The following DENND5B variants were observed in gnomAD, a reference collection of about 807,000 sequenced individuals.
DENND5B encodes the protein DENN domain containing 5B.
DENND5B carries 34 observed loss-of-function variants against 140.6 expected under a neutral mutation model. The observed-to-expected ratio is 0.24, with a 90% CI of 0.18 to 0.32. DENND5B has a LOEUF of 0.32. Among genes scored for constraint, DENND5B ranks in the 10% least tolerant of loss-of-function variants. The pLI, the probability that DENND5B is intolerant of heterozygous loss-of-function variation, is 1.00. For missense variants in DENND5B, 1,142 were observed against 1,560.2 expected, an observed-to-expected ratio of 0.73 and a Z score of 4.52; for synonymous variants, 551 against 562.1, an observed-to-expected ratio of 0.98 and a Z score of 0.28.
In DENND5B at chr12:31,452,053, A is replaced by G; in HGVS notation, c.1516T>C (p.Phe506Leu). Residue 506 changes from phenylalanine to leucine, a missense_variant, in exon 5 of 21, where the codon TTT becomes CTT. Phe to Leu is a conservative substitution (Grantham distance 22). Coordinates refer to ENST00000389082, the MANE Select transcript of DENND5B (RefSeq NM_144973.4). ...AACATCTGTGTAAAACGGTTAGCAA[A>G]GACCTCTCGGAGCTGTACATTGAGC... Reference protein sequence around the residue: ...YQLNVQLREVFANRFTQMFAD... With the variant: ...YQLNVQLREVLANRFTQMFAD... The G allele has an allele frequency of 6.2e-7, 1 of 1,613,966 alleles. No homozygotes were observed. The highest frequency in any genetic ancestry group is 8.5e-7 in the Non-Finnish European group (1 of 1,179,894).
At chr12:31,467,076 A>G (rs1945301731) in intron 3 of DENND5B, among the ~76,000 whole-genome samples, 2 of 152,144 alleles carry the variant, frequency 1.3e-5, no homozygotes, top group Admixed American at 6.5e-5. Flanking sequence ...AAGAGAAAAA[A>G]ACTTTTAACA....
chr12:31,491,179 A>C (rs895830717), intron 2 of DENND5B, among the ~76,000 whole-genome samples: 2 of 152,156 alleles, frequency 1.3e-5, no homozygotes, highest in East Asian at 1.9e-4. Flanking sequence ...TATTTCATTT[A>C]AAATGAAATG....
intron 1 of DENND5B, among the ~76,000 whole-genome samples, chr12:31,568,658 A>T (rs2061761): frequency 0.81 from 123,506 of 152,182 alleles, 50,402 homozygotes; most frequent in East Asian, 0.89. Flanking sequence ...GGAAGCCACC[A>T]GAAGAGAAGT....
chr12:31,463,654 A>G (rs540896140), intron 3 of DENND5B, among the ~76,000 whole-genome samples: 1 of 152,036 alleles, frequency 6.6e-6, no homozygotes, highest in South Asian at 2.1e-4. Flanking sequence ...TTGAAGTACC[A>G]CACACATTAT....
intron 1 of DENND5B, among the ~76,000 whole-genome samples, chr12:31,573,467 A>G (rs1949892681): frequency 6.6e-6 from 1 of 152,260 alleles, no homozygotes; most frequent in African/African-American, 2.4e-5. Context: ...CAGACATTTC[A>G]TATCTGGGCC....
intron 1 of DENND5B, among the ~76,000 whole-genome samples, chr12:31,575,510 T>A (rs924075899): frequency 6.6e-6 from 1 of 152,158 alleles, no homozygotes; most frequent in Admixed American, 6.6e-5. Flanking sequence ...CAATAAAAAA[T>A]TGATATAAAT....
At chr12:31,590,022 C>G (rs1464517946) in intron 1 of DENND5B, 1 of 152,250 alleles carries the variant, frequency 6.6e-6, no homozygotes, top group Non-Finnish European at 1.5e-5. Context: ...AACTCGGGAA[C>G]AGTGTAGGCA....
At chr12:31,426,591 C>A in intron 8 of DENND5B, 167 bp from the exon 9 acceptor site, 1 of 677,118 alleles carries the variant, frequency 1.5e-6, no homozygotes, top group Non-Finnish European at 2.3e-6. Context: ...AGAGGACACT[C>A]ATATGCCACC....
intron 1 of DENND5B, among the ~76,000 whole-genome samples, chr12:31,504,124 G>A (rs530504017): frequency 6.6e-5 from 10 of 152,196 alleles, no homozygotes; most frequent in East Asian, 5.8e-4. Context: ...ATTCAAGTGC[G>A]CTATAACGTA....
At chr12:31,426,224 G>A (rs1943226181) in intron 9 of DENND5B, 69 bp downstream of exon 9, 2 of 1,497,780 alleles carry the variant, frequency 1.3e-6, no homozygotes, top group Non-Finnish European at 1.8e-6. Flanking sequence ...GGTTAACTCA[G>A]TTCATCTTAG....
At position 31,386,919 on chromosome 12, in the gene DENND5B, G is replaced by A. The variant is rs1940877045; in HGVS notation, c.*684C>T. 2 of 152,192 alleles carry A rather than the reference G, an allele frequency of 1.3e-5. No homozygotes were observed. Among genetic ancestry groups the A allele is most frequent in the African/African-American group, 4.8e-5 (2 of 41,436 alleles). The allele number at this position is 152,192 out of a possible 1,614,324, so 9.4% of individuals were successfully genotyped here. On this transcript the variant is annotated 3_prime_UTR_variant, in exon 21 of 21. Transcript: ENST00000389082. ...ATCCCACAATTGAACACATTTCTCAGAGCTTTGTATGTTCTCTTTCCAGTT... is the reference window on the plus strand; with the variant it reads ...ATCCCACAATTGAACACATTTCTCAAAGCTTTGTATGTTCTCTTTCCAGTT...
intron 3 of DENND5B, among the ~76,000 whole-genome samples, chr12:31,478,311 T>C (rs1945915641): frequency 6.6e-6 from 1 of 152,126 alleles, no homozygotes; most frequent in African/African-American, 2.4e-5. Context: ...CCACTTATAA[T>C]TTAAAATAGA....
intron 14 of DENND5B, among the ~76,000 whole-genome samples, chr12:31,405,813 T>C (rs1942099237): frequency 6.6e-6 from 1 of 151,458 alleles, no homozygotes; most frequent in African/African-American, 2.4e-5. Context: ...CCCAAAGTGC[T>C]GGGATTACAG....
chr12:31,471,427 A>G (rs1446432374), intron 3 of DENND5B, among the ~76,000 whole-genome samples: 1 of 149,560 alleles, frequency 6.7e-6, no homozygotes. Context: ...CCTCCCAAGT[A>G]GCTGAGATTA....
chr12:31,447,108 T>TA (rs1477397744), intron 6 of DENND5B, among the ~76,000 whole-genome samples: 5 of 151,662 alleles, frequency 3.3e-5, no homozygotes, highest in African/African-American at 1.2e-4. Flanking sequence ...CCCAACTCTA[T>TA]AAAAATACAA....
At chr12:31,494,697 G>T (rs1946691235) in intron 2 of DENND5B, among the ~76,000 whole-genome samples, 1 of 152,096 alleles carries the variant, frequency 6.6e-6, no homozygotes, top group Non-Finnish European at 1.5e-5. Flanking sequence ...CTGATTGGTT[G>T]TATGTTTGTG....
chr12:31,474,493 C>A (rs1432665709), intron 3 of DENND5B, among the ~76,000 whole-genome samples: 1 of 150,938 alleles, frequency 6.6e-6, no homozygotes, highest in Non-Finnish European at 1.5e-5. Context: ...GTTACCACTG[C>A]AAAGTGACAG....
At chr12:31,449,735 T>TTTTTGTTG (rs1555149776) in intron 5 of DENND5B, among the ~76,000 whole-genome samples, 31 of 138,140 alleles carry the variant, frequency 2.2e-4, no homozygotes, top group Middle Eastern at 3.5e-3. Flanking sequence ...AGATTAGTTT[T>TTTTTGTTG]TTTTTTTTTT....
In DENND5B at chr12:31,550,782, T is replaced by C. The variant is rs535855762; in HGVS notation, c.127+39924A>G. 3.3e-3 allele frequency among the ~76,000 whole-genome samples: 499 copies of C among 152,324 alleles called. 1 individual carries two copies. Among genetic ancestry groups the C allele is most frequent in the African/African-American group, 0.011 (466 of 41,562 alleles). On this transcript the variant is annotated intron_variant, in intron 1 of 20. Transcript: ENST00000389082. ...CCAACTGGTGTGAGATGGTATCTCA[T>C]TGCGGTTTTGATTTGCATTTCTCTG...
Sources: gnomAD v4.1 joint callset for allele counts (sites outside exome capture counted in the v4.1 genomes callset) on GRCh38, gnomAD v4.1.1 for gene constraint, MANE v1.5 for transcripts, NCBI Gene and HGNC (gene_info 2026-07-23, HGNC 2026-07-21) for gene names.